The following UBE4B variants were observed in gnomAD, a reference collection of about 807,000 sequenced individuals.
UBE4B encodes ubiquitination factor E4B, also known as ubiquitin conjugation factor E4 B.
UBE4B carries 27 observed loss-of-function variants against 148.1 expected under a neutral mutation model. The observed-to-expected ratio is 0.18, with a 90% confidence interval of 0.13 to 0.25. The LOEUF (loss-of-function observed/expected upper bound fraction) is 0.25, where lower values mean the gene tolerates loss of function less well. Ranked by LOEUF, UBE4B falls within the 10% of genes least tolerant of loss-of-function variation. The pLI, the probability that UBE4B is intolerant of heterozygous loss-of-function variation, is 1.00. For missense variants in UBE4B, 1,170 were observed against 1,662.4 expected, an observed-to-expected ratio of 0.70 and a Z score of 5.15; for synonymous variants, 596 against 619.3, an observed-to-expected ratio of 0.96 and a Z score of 0.56.
At chr1:10,037,535 A>T (rs1643586573) in intron 1 of UBE4B, among the ~76,000 whole-genome samples, 1 of 152,036 alleles carries the variant, frequency 6.6e-6, no homozygotes, top group Non-Finnish European at 1.5e-5. Flanking sequence ...TGTTTTTCGT[A>T]TCTCAAGGTG....
At chr1:10,116,764 C>T (rs1159056035) in intron 7 of UBE4B, among the ~76,000 whole-genome samples, 1 of 152,198 alleles carries the variant, frequency 6.6e-6, no homozygotes, top group East Asian at 1.9e-4. Context: ...CACATTATTT[C>T]ATTAAAACCC....
chr1:10,142,280 G>A (rs1449292973), intron 17 of UBE4B, among the ~76,000 whole-genome samples: 1 of 152,104 alleles, frequency 6.6e-6, no homozygotes, highest in Admixed American at 6.6e-5. Context: ...GATACCCGTA[G>A]CCATATAGGT....
chr1:10,173,276 C>T (rs1007598786), intron 25 of UBE4B, among the ~76,000 whole-genome samples: 2 of 151,678 alleles, frequency 1.3e-5, no homozygotes, highest in African/African-American at 2.4e-5. Context: ...CAGGAGATCA[C>T]GACCATCCTG....
intron 8 of UBE4B, among the ~76,000 whole-genome samples, chr1:10,117,864 G>A (rs1645339417): frequency 6.6e-6 from 1 of 152,188 alleles, no homozygotes; most frequent in Non-Finnish European, 1.5e-5. Context: ...TGACCACACT[G>A]TAGCTCGGTA....
chr1:10,131,343 A>G (rs1030329183), intron 14 of UBE4B, among the ~76,000 whole-genome samples: 2 of 152,012 alleles, frequency 1.3e-5, no homozygotes, highest in Non-Finnish European at 2.9e-5. Context: ...CAGGCATGGC[A>G]GCGCGTGCCT....
In UBE4B at chr1:10,033,412, G is replaced by A. The variant is rs1356423311; in HGVS notation, c.-259G>A. 9 of 372,534 alleles carry A rather than the reference G, an allele frequency of 2.4e-5. No homozygotes were observed. Among genetic ancestry groups the A allele is most frequent in the Non-Finnish European group, 4.3e-5 (9 of 208,618 alleles). 23.1% of individuals were successfully genotyped at this position (372,534 alleles called of 1,614,324 possible). A position where few individuals can be genotyped will look rare whatever the true frequency, so the allele number is the denominator to read the frequency against. The stretch of plus-strand genomic sequence containing the variant: ...GGCGCCTTAAGACAACCCTGTAGCA[G>A]CAGCAGTGGCGGCCAAAGGAGGCTG... On this transcript the variant is annotated 5_prime_UTR_variant, in exon 1 of 28. Coordinates refer to ENST00000343090, the MANE Select transcript of UBE4B (RefSeq NM_001105562.3).
At chr1:10,145,715 A>G (rs1460996068) in intron 18 of UBE4B, 1 of 152,154 alleles carries the variant, frequency 6.6e-6, no homozygotes, top group Non-Finnish European at 1.5e-5. Context: ...ATATCTAGCC[A>G]TGCATTTCCA....
rs1167071246 is a variant in UBE4B, at chr1:10,163,833, G to A, written c.3198+2547G>A. Among the ~76,000 whole-genome samples, 10 of 150,138 alleles carry A rather than the reference G, an allele frequency of 6.7e-5. No individual in the cohort carries two copies. In the South Asian group the frequency reaches 1.5e-3, roughly 22 times the overall value. On this transcript the variant is annotated intron_variant, in intron 23 of 27. Coordinates refer to ENST00000343090, the MANE Select transcript of UBE4B (RefSeq NM_001105562.3). ...GTCACCCAGGTTGGAGTGCAGTGGC[G>A]CAATCTTGGCTCAATTTATGCCTGC...
At position 10,179,408 on chromosome 1, in the gene UBE4B, C is replaced by T. The variant is rs771211939; in HGVS notation, c.3701-8C>T. ...TAGATTAGAGTTTGCTTTGCTTTGT[C>T]CCCGCAGACCCTCTGATGGACACCC... On this transcript the variant is annotated splice_polypyrimidine_tract_variant and splice_region_variant and intron_variant, in intron 26 of 27. Transcript: ENST00000343090. The T allele has an allele frequency of 2.5e-6, 4 of 1,612,812 alleles. No homozygotes were observed. The highest frequency in any genetic ancestry group is 1.7e-5 in the Admixed American group (1 of 59,824).
intron 1 of UBE4B, among the ~76,000 whole-genome samples, chr1:10,046,612 C>T (rs780270241): frequency 6.6e-6 from 1 of 152,306 alleles, no homozygotes; most frequent in African/African-American, 2.4e-5. Flanking sequence ...AACCTTGATT[C>T]TGGTCTCTTG....
At chr1:10,038,397 A>G (rs1055348393) in intron 1 of UBE4B, among the ~76,000 whole-genome samples, 4 of 152,246 alleles carry the variant, frequency 2.6e-5, no homozygotes, top group Non-Finnish European at 5.9e-5. Context: ...ACATTAAACA[A>G]CAGCCTTAGG....
At chr1:10,174,816 T>C (rs1344820610) in intron 25 of UBE4B, among the ~76,000 whole-genome samples, 3 of 152,054 alleles carry the variant, frequency 2.0e-5, no homozygotes, top group Admixed American at 6.6e-5. Context: ...GCCTGCTTAC[T>C]TGATTGTTTT....
chr1:10,159,921 C>T (rs1646133925), intron 22 of UBE4B, among the ~76,000 whole-genome samples: 1 of 152,192 alleles, frequency 6.6e-6, no homozygotes, highest in Admixed American at 6.5e-5. Context: ...AAGCCTGGCA[C>T]GAGGCAGGCC....
intron 25 of UBE4B, among the ~76,000 whole-genome samples, chr1:10,175,516 T>C (rs1047147933): frequency 1.3e-5 from 2 of 151,422 alleles, no homozygotes; most frequent in Non-Finnish European, 2.9e-5. Context: ...CCAGGCGTGG[T>C]GGCGGGCGCC....
chr1:10,179,062 G>A (rs1646468016), intron 26 of UBE4B: 1 of 479,662 alleles, frequency 2.1e-6, no homozygotes, highest in African/African-American at 2.0e-5. Context: ...GGGCAGGGCT[G>A]CCTTTGCAAG....
intron 25 of UBE4B, among the ~76,000 whole-genome samples, chr1:10,174,475 C>T (rs1414123534): frequency 2.0e-5 from 3 of 150,592 alleles, no homozygotes; most frequent in African/African-American, 7.3e-5. Context: ...CCGAGGCGGG[C>T]AGATCACCTG....
chr1:10,161,142 C>T lies in UBE4B; in HGVS notation c.3054C>T (p.Asn1018=). 1.2e-6 allele frequency: 2 copies of T among 1,613,900 alleles called. No homozygotes were observed. Among genetic ancestry groups the T allele is most frequent in the Non-Finnish European group, 8.5e-7 (1 of 1,179,894 alleles). Residue 1018 remains asparagine, a splice_region_variant and synonymous_variant, in exon 23 of 28, where the codon AAC becomes AAT. Coordinates refer to ENST00000343090, the MANE Select transcript of UBE4B (RefSeq NM_001105562.3). This position sits in a 1 kb window ranked among gnomAD's most constrained non-coding sequence, Gnocchi z 4.1. ...ATGTACAATATAATTGCCTTTCCAG[C>T]TCCGGGAAGCAGTTTGTTCGCTATA... ...AHHGTFMEEF[N]SGKQFVRYIN...
Position 10,121,990 on chromosome 1 carries a change from C to T in UBE4B, c.1468C>T (p.Pro490Ser), listed in dbSNP as rs780332508. Residue 490 changes from proline (P) to serine (S), a missense_variant, in exon 10 of 28, where the codon CCG becomes TCG. Physicochemically the swap from Pro to Ser is moderately conservative, Grantham distance 74. This residue lies in a region of UBE4B where 388 missense variants were observed against 536.0 expected (regional missense o/e 0.72). Transcript: ENST00000343090. ...CTTGCAGCAGCCGTCCTTCCTAGTG[C>T]CGTATATGCTGTGTAGGAATCTCCC... ...RSLQQPSFLVPYMLCRNLPYG... is the reference protein window; with the variant it reads ...RSLQQPSFLVSYMLCRNLPYG... 1.9e-6 allele frequency: 3 copies of T among 1,613,316 alleles called. No homozygotes were observed. The Admixed American group carries it at 5.0e-5, about 27-fold the overall frequency.
At chr1:10,146,860 G>T in intron 18 of UBE4B, 103 bp from the exon 19 acceptor site, 1 of 1,447,634 alleles carries the variant, frequency 6.9e-7, no homozygotes, top group South Asian at 1.3e-5. Flanking sequence ...TAGAAGCTCT[G>T]GAACCCAAAT....
Sources: gnomAD v4.1 joint callset for allele counts (sites outside exome capture counted in the v4.1 genomes callset) on GRCh38, gnomAD v4.1.1 for gene constraint, gnomAD v4.1.1 regional missense constraint, Gnocchi (gnomAD v3.1) non-coding constraint, MANE v1.5 for transcripts, NCBI Gene and HGNC (gene_info 2026-07-23, HGNC 2026-07-21) for gene names.